Variants in KLHL18 observed in about 807,000 individuals in gnomAD.
KLHL18 encodes kelch like family member 18, also known as kelch-like protein 18.
Under a neutral mutation model 58.5 loss-of-function variants are expected in KLHL18, and 38 were observed. That is an observed-to-expected ratio of 0.65 (90% CI 0.50 to 0.85). KLHL18 has a LOEUF of 0.85. KLHL18 is among the 40% of genes least tolerant of loss of function. The pLI, the probability that KLHL18 is intolerant of heterozygous loss-of-function variation, is 0.00. For synonymous variants in KLHL18, 303 were observed against 301.9 expected, an observed-to-expected ratio of 1.00 and a Z score of -0.04; for missense variants, 624 against 778.4, an observed-to-expected ratio of 0.80 and a Z score of 2.36.
chr3:47,283,370 C>T, intron 1 of KLHL18: 1 of 487,416 alleles, frequency 2.1e-6, no homozygotes, highest in Non-Finnish European at 3.7e-6. Context: ...CCTCCTTTTT[C>T]TGTCATGCAG....
intron 1 of KLHL18, among the ~76,000 whole-genome samples, chr3:47,318,756 A>G (rs1703514354): frequency 6.6e-6 from 1 of 152,252 alleles, no homozygotes; most frequent in African/African-American, 2.4e-5. Flanking sequence ...AATAAACCTC[A>G]TAGAACAACT....
intron 1 of KLHL18, among the ~76,000 whole-genome samples, chr3:47,298,754 A>G (rs1184845482): frequency 1.3e-5 from 2 of 152,100 alleles, no homozygotes; most frequent in South Asian, 4.1e-4. Context: ...GCAACCATGA[A>G]TTTGTTGTCT....
intron 1 of KLHL18, among the ~76,000 whole-genome samples, chr3:47,306,387 G>T (rs1193664426): frequency 6.6e-6 from 1 of 151,972 alleles, no homozygotes; most frequent in Non-Finnish European, 1.5e-5. Context: ...AAATATCATT[G>T]TAAGAGAGGA....
intron 1 of KLHL18, among the ~76,000 whole-genome samples, chr3:47,311,463 T>C (rs1227861243): frequency 3.9e-5 from 6 of 151,928 alleles, no homozygotes; most frequent in East Asian, 1.9e-4. Flanking sequence ...GAGGCCAAGG[T>C]GGGCGGTTCA....
chr3:47,285,426 T>C (rs2107568252), intron 1 of KLHL18, among the ~76,000 whole-genome samples: 1 of 152,308 alleles, frequency 6.6e-6, no homozygotes, highest in Non-Finnish European at 1.5e-5. Context: ...GATTAAAATT[T>C]AGGCTGTAGG....
intron 1 of KLHL18, 111 bp downstream of exon 1, chr3:47,283,205 A>T: frequency 3.4e-5 from 13 of 378,342 alleles, no homozygotes; most frequent in Non-Finnish European, 3.9e-5. Context: ...TGGGGAGAAG[A>T]GGTGTGAGGG....
At chr3:47,315,022 A>G (rs1017983624) in intron 1 of KLHL18, among the ~76,000 whole-genome samples, 3 of 152,210 alleles carry the variant, frequency 2.0e-5, no homozygotes. Context: ...AATGCACAGC[A>G]GTTAAACACA....
chr3:47,324,294 C>CTTTTTTTTTTTTTTTTTTTTTT (rs1559498832), intron 3 of KLHL18, among the ~76,000 whole-genome samples: 4 of 10,604 alleles, frequency 3.8e-4, no homozygotes, highest in Admixed American at 1.6e-3. Context: ...CTTTTTCTTT[C>CTTTTTTTTTTTTTTTTTTTTTT]TTTCTTTTTT....
At chr3:47,316,185 C>G (rs1287227170) in intron 1 of KLHL18, among the ~76,000 whole-genome samples, 1 of 151,936 alleles carries the variant, frequency 6.6e-6, no homozygotes, top group Non-Finnish European at 1.5e-5. Flanking sequence ...TAGATTGATA[C>G]AGCACAATAA....
intron 1 of KLHL18, among the ~76,000 whole-genome samples, chr3:47,296,077 T>TG (rs1702890792): frequency 6.6e-6 from 1 of 152,162 alleles, no homozygotes; most frequent in South Asian, 2.1e-4. Flanking sequence ...ATCACCTGGG[T>TG]GGGGGCCTGT....
chr3:47,340,653 G>T lies in KLHL18; in HGVS notation c.1203G>T (p.Glu401Asp). 1 of 1,614,014 alleles carries T rather than the reference G, an allele frequency of 6.2e-7. No individual in the cohort carries two copies. Among genetic ancestry groups the T allele is most frequent in the South Asian group, 1.1e-5 (1 of 91,062 alleles). The change falls in exon 8 of 10, where the codon GAG becomes GAT. Residue 401 changes from glutamate to aspartate, a missense_variant. Physicochemically the swap from Glu to Asp is conservative, Grantham distance 45. Coordinates refer to ENST00000232766, the MANE Select transcript of KLHL18 (RefSeq NM_025010.5). ...YDGNSSLSSVETYSPETDKWT... is the reference protein window; with the variant it reads ...YDGNSSLSSVDTYSPETDKWT... ...GCAACTCTTCCCTCAGCTCCGTGGAGACCTACTCACCTGAGACGGACAAGT... is the reference window on the plus strand; with the variant it reads ...GCAACTCTTCCCTCAGCTCCGTGGATACCTACTCACCTGAGACGGACAAGT...
chr3:47,328,089 G>A (rs1352816074), intron 3 of KLHL18, among the ~76,000 whole-genome samples: 1 of 152,150 alleles, frequency 6.6e-6, no homozygotes, highest in Non-Finnish European at 1.5e-5. Flanking sequence ...AACAAGCTGG[G>A]CACAGTGGCT....
chr3:47,300,390 T>TGTAC (rs1702996400), intron 1 of KLHL18, among the ~76,000 whole-genome samples: 1 of 47,956 alleles, frequency 2.1e-5, no homozygotes. Context: ...TATATATGTG[T>TGTAC]ATATGTGTGT....
chr3:47,306,558 G>A (rs1703152657), intron 1 of KLHL18, among the ~76,000 whole-genome samples: 2 of 151,938 alleles, frequency 1.3e-5, no homozygotes, highest in Non-Finnish European at 2.9e-5. Context: ...TTTTTATTTT[G>A]TTTAGTTTTC....
At chr3:47,302,973 A>G (rs1477445104) in intron 1 of KLHL18, among the ~76,000 whole-genome samples, 2 of 152,208 alleles carry the variant, frequency 1.3e-5, no homozygotes, top group South Asian at 2.1e-4. Flanking sequence ...GTTGTCTTCT[A>G]TTAATTCCTC....
At chr3:47,324,438 C>G (rs527477963) in intron 3 of KLHL18, among the ~76,000 whole-genome samples, 1 of 151,208 alleles carries the variant, frequency 6.6e-6, no homozygotes, top group East Asian at 1.9e-4. Flanking sequence ...CGAATCTTCA[C>G]CAATGGACAA....
At position 47,298,858 on chromosome 3, in the gene KLHL18, T is replaced by G. The variant is rs559223403; in HGVS notation, c.129+15764T>G. The stretch of plus-strand genomic sequence containing the variant: ...CATGAGGTCCATCCAAGTTATTGTG[T>G]GTATTGATCATTTTTTCCTTTATAT... On this transcript the variant is annotated intron_variant, in intron 1 of 9. Transcript: ENST00000232766. 4.6e-5 allele frequency among the ~76,000 whole-genome samples: 7 copies of G among 152,218 alleles called. No homozygotes were observed. The South Asian group carries it at 6.2e-4, about 13-fold the overall frequency.
chr3:47,317,633 T>C (rs1703486774), intron 1 of KLHL18, among the ~76,000 whole-genome samples: 1 of 152,062 alleles, frequency 6.6e-6, no homozygotes, highest in African/African-American at 2.4e-5. Context: ...AGAAAAATTA[T>C]ACAAAAAGGA....
intron 3 of KLHL18, among the ~76,000 whole-genome samples, chr3:47,329,322 G>A (rs1327054186): frequency 4.6e-5 from 7 of 152,042 alleles, no homozygotes; most frequent in African/African-American, 1.7e-4. Flanking sequence ...CCGCCTCCTG[G>A]GTTCACAGCA....
Sources: gnomAD v4.1 joint callset for allele counts (sites outside exome capture counted in the v4.1 genomes callset) on GRCh38, gnomAD v4.1.1 for gene constraint, MANE v1.5 for transcripts, NCBI Gene and HGNC (gene_info 2026-07-23, HGNC 2026-07-21) for gene names.